The following SHTN1 variants were observed in gnomAD, a reference collection of about 807,000 sequenced individuals.
The protein encoded by SHTN1 is shootin 1.
SHTN1 carries 42 observed loss-of-function variants against 83.1 expected under a neutral mutation model. The observed-to-expected ratio is 0.51, with a 90% CI of 0.39 to 0.65. The LOEUF (loss-of-function observed/expected upper bound fraction) is 0.65, where lower values mean the gene tolerates loss of function less well. SHTN1 is among the 30% of genes least tolerant of loss of function. The pLI is 0.00. For missense variants in SHTN1, 622 were observed against 737.8 expected, an observed-to-expected ratio of 0.84 and a Z score of 1.82; for synonymous variants, 224 against 247.7, an observed-to-expected ratio of 0.90 and a Z score of 0.90.
chr10:117,122,660 A>G (rs1853948463), intron 1 of SHTN1, among the ~76,000 whole-genome samples: 1 of 152,120 alleles, frequency 6.6e-6, no homozygotes, highest in Admixed American at 6.6e-5. Context: ...AATCCTAGGG[A>G]CCCAAATAAG....
intron 10 of SHTN1, among the ~76,000 whole-genome samples, chr10:116,928,526 G>A (rs928202185): frequency 1.2e-4 from 18 of 152,164 alleles, no homozygotes; most frequent in Admixed American, 5.2e-4. Flanking sequence ...TACAGGAGAC[G>A]TAACACCTGA....
intron 16 of SHTN1, among the ~76,000 whole-genome samples, chr10:116,888,593 T>C (rs1259200151): frequency 6.6e-6 from 1 of 152,162 alleles, no homozygotes; most frequent in East Asian, 1.9e-4. Flanking sequence ...CAAGACAATC[T>C]GCAGAATAAG....
Position 117,005,096 on chromosome 10 carries a change from G to A in SHTN1, c.-17C>T, listed in dbSNP as rs773127175. On this transcript the variant is annotated 5_prime_UTR_variant, in exon 1 of 17. Coordinates refer to ENST00000355371, the MANE Select transcript of SHTN1 (RefSeq NM_001127211.3). ...GCTGTTCATTTTGGCGGGTGGGGCC[G>A]GGAATAAAAGGGAAAGAGGGAGCGG... The A allele has an allele frequency of 8.8e-6, 14 of 1,584,330 alleles. No individual in the cohort carries two copies. The African/African-American group carries it at 1.5e-4, about 17-fold the overall frequency.
chr10:116,955,736 G>C (rs1849958743), intron 4 of SHTN1, among the ~76,000 whole-genome samples: 1 of 152,144 alleles, frequency 6.6e-6, no homozygotes, highest in South Asian at 2.1e-4. Flanking sequence ...CCTCTTTGGA[G>C]AATCAGGAAG....
chr10:117,122,657 G>A (rs1024780845), intron 1 of SHTN1, among the ~76,000 whole-genome samples: 14 of 152,080 alleles, frequency 9.2e-5, no homozygotes, highest in Admixed American at 2.6e-4. Flanking sequence ...TGAAATCCTA[G>A]GGACCCAAAT....
At position 117,102,984 on chromosome 10, in the gene SHTN1, T is replaced by C. The variant is rs540232360; in HGVS notation, c.-189+23323A>G. On this transcript the variant is annotated intron_variant, in intron 1 of 17. Transcript: ENST00000392901. The stretch of plus-strand genomic sequence containing the variant: ...TGAAGCTTCACGCCACTGAATTTAC[T>C]GTCATCTGCCTCCTCAATGCCATTT... Among the ~76,000 whole-genome samples the C allele has an allele frequency of 6.6e-5, 10 of 152,358 alleles. No homozygotes were observed. The South Asian group carries it at 1.0e-3, about 16-fold the overall frequency.
chr10:117,077,261 G>A (rs1193231586), intron 1 of SHTN1, among the ~76,000 whole-genome samples: 1 of 152,158 alleles, frequency 6.6e-6, no homozygotes, highest in African/African-American at 2.4e-5. Context: ...TCACAAGTTT[G>A]CATTTTGACT....
chr10:117,083,697 T>C (rs1054028242), intron 1 of SHTN1, among the ~76,000 whole-genome samples: 1 of 152,110 alleles, frequency 6.6e-6, no homozygotes, highest in African/African-American at 2.4e-5. Flanking sequence ...TTTGGTCTTT[T>C]CACATAGTCC....
chr10:117,048,847 C>T (rs964420164), intron 1 of SHTN1, among the ~76,000 whole-genome samples: 2 of 152,084 alleles, frequency 1.3e-5, no homozygotes, highest in African/African-American at 2.4e-5. Flanking sequence ...TTGGACTTTG[C>T]CCTCTTTAAA....
intron 16 of SHTN1, 61 bp from the exon 17 acceptor site, chr10:116,886,627 G>C: frequency 6.3e-7 from 1 of 1,597,604 alleles, no homozygotes; most frequent in East Asian, 2.2e-5. Flanking sequence ...AGTTGTCTCT[G>C]ATATTCTGGA....
intron 14 of SHTN1, among the ~76,000 whole-genome samples, chr10:116,908,852 T>C (rs1225465596): frequency 6.6e-6 from 1 of 152,226 alleles, no homozygotes; most frequent in African/African-American, 2.4e-5. Flanking sequence ...CCATTTTCCA[T>C]GTTTTAACCC....
intron 1 of SHTN1, among the ~76,000 whole-genome samples, chr10:116,985,856 A>G (rs968160742): frequency 1.3e-5 from 2 of 152,182 alleles, no homozygotes; most frequent in Admixed American, 6.5e-5. Context: ...ACACATCCCA[A>G]TGGGTCGTCC....
Position 116,934,303 on chromosome 10 carries a change from C to T in SHTN1, c.859-4301G>A, listed in dbSNP as rs912757299. On this transcript the variant is annotated intron_variant, in intron 9 of 16. Coordinates refer to ENST00000355371, the MANE Select transcript of SHTN1 (RefSeq NM_001127211.3). Reference sequence around the variant, plus strand: ...AGGGTTTTTATGGTTTTAGGTCTTACATTAAAGTCTTCAATCCACCTTGAG... The same window carrying T: ...AGGGTTTTTATGGTTTTAGGTCTTATATTAAAGTCTTCAATCCACCTTGAG... Among the ~76,000 whole-genome samples the T allele has an allele frequency of 5.3e-5, 8 of 152,256 alleles. No individual in the cohort carries two copies. In the South Asian group the frequency reaches 1.7e-3, roughly 32 times the overall value.
chr10:116,938,588 T>C (rs1589824454), intron 9 of SHTN1, among the ~76,000 whole-genome samples: 1 of 152,196 alleles, frequency 6.6e-6, no homozygotes, highest in East Asian at 1.9e-4. Flanking sequence ...CTCTCCTGTA[T>C]GAGGTGTCTG....
At chr10:116,953,562 T>C (rs1455141250) in intron 5 of SHTN1, among the ~76,000 whole-genome samples, 1 of 151,568 alleles carries the variant, frequency 6.6e-6, no homozygotes, top group Non-Finnish European at 1.5e-5. Flanking sequence ...TCTGATTTAA[T>C]TGGCCTATGG....
chr10:116,973,236 A>T (rs1306923688), intron 2 of SHTN1, among the ~76,000 whole-genome samples: 1 of 152,062 alleles, frequency 6.6e-6, no homozygotes, highest in East Asian at 1.9e-4. Context: ...TGCAAGAAAA[A>T]CCTCAACATT....
chr10:117,002,975 C>G (rs540136295), intron 1 of SHTN1, among the ~76,000 whole-genome samples: 1 of 152,252 alleles, frequency 6.6e-6, no homozygotes, highest in South Asian at 2.1e-4. Context: ...ATATAGAAAT[C>G]CTTTTTGTCA....
intron 2 of SHTN1, among the ~76,000 whole-genome samples, chr10:117,020,912 A>G (rs959571346): frequency 1.3e-5 from 2 of 152,188 alleles, no homozygotes; most frequent in African/African-American, 4.8e-5. Flanking sequence ...CTAAAATACA[A>G]CCAGTATCTA....
At chr10:117,097,972 G>A (rs1853530448) in intron 1 of SHTN1, among the ~76,000 whole-genome samples, 1 of 151,960 alleles carries the variant, frequency 6.6e-6, no homozygotes, top group Admixed American at 6.6e-5. Context: ...AGTGGCAAAT[G>A]CTTCACGTGA....
Sources: allele counts gnomAD v4.1 joint callset (sites outside exome capture counted in the v4.1 genomes callset), GRCh38; gene constraint gnomAD v4.1.1; transcripts MANE v1.5; gene names NCBI Gene and HGNC (gene_info 2026-07-23, HGNC 2026-07-21).